TRAPPC9: variants seen among roughly 807,000 people sequenced by gnomAD.
TRAPPC9 encodes IKK2 binding protein.
Under a neutral mutation model 124.0 loss-of-function variants are expected in TRAPPC9, and 83 were observed. That is an observed-to-expected ratio of 0.67 (90% confidence interval 0.56 to 0.80). TRAPPC9 has a LOEUF of 0.80. Among genes scored for constraint, TRAPPC9 ranks in the 30% least tolerant of loss-of-function variants. TRAPPC9 has a pLI of 0.00. For synonymous variants in TRAPPC9, 638 were observed against 617.5 expected (o/e 1.03, Z -0.49); for missense variants, 1,302 against 1,508.3 (o/e 0.86, Z 2.27).
intron 9 of TRAPPC9, among the ~76,000 whole-genome samples, chr8:140,314,228 C>A (rs926075386): frequency 1.3e-5 from 2 of 152,144 alleles, no homozygotes; most frequent in African/African-American, 4.8e-5. Context: ...CCAGTAATGA[C>A]CAATGTGTTT....
intron 19 of TRAPPC9, among the ~76,000 whole-genome samples, chr8:139,975,514 G>A (rs919223509): frequency 6.6e-6 from 1 of 152,184 alleles, no homozygotes; most frequent in South Asian, 2.1e-4. Flanking sequence ...TATGCTACAG[G>A]TGAAAACAGA....
intron 7 of TRAPPC9, among the ~76,000 whole-genome samples, chr8:140,387,493 T>C (rs888763137): frequency 2.0e-5 from 3 of 151,984 alleles, no homozygotes; most frequent in Non-Finnish European, 2.9e-5. Context: ...AGGGCTAATA[T>C]CCAGAATCTA....
intron 21 of TRAPPC9, among the ~76,000 whole-genome samples, chr8:139,741,733 C>A (rs1818573334): frequency 1.3e-5 from 2 of 152,138 alleles, no homozygotes; most frequent in Admixed American, 6.5e-5. Context: ...CCGCACCATA[C>A]ATTTCCCTAC....
intron 19 of TRAPPC9, among the ~76,000 whole-genome samples, chr8:139,917,167 CTT>C (rs71318317): frequency 2.0e-5 from 2 of 99,934 alleles, no homozygotes; most frequent in African/African-American, 8.6e-5. Flanking sequence ...TTATTATTTT[CTT>C]TTTTTTTTTT....
chr8:140,440,972 CTTTTTTTTTTT>C lies in TRAPPC9; in HGVS notation c.585-1786_585-1776del, dbSNP rs60379205. Reference sequence around the variant, plus strand: ...TTGATGTGTTTCTAGAACACTGTTACTTTTTTTTTTTTTTTTTTTTTTTGGAGACAAGGTCT... The same window carrying C: ...TTGATGTGTTTCTAGAACACTGTTACTTTTTTTTTTTTGGAGACAAGGTCT... On this transcript the variant is annotated intron_variant, in intron 2 of 22. Transcript: ENST00000438773. Among the ~76,000 whole-genome samples, 128 of 80,294 alleles carry C rather than the reference CTTTTTTTTTTT, an allele frequency of 1.6e-3. 1 individual carries two copies. Among genetic ancestry groups the C allele is most frequent in the African/African-American group, 6.3e-3 (126 of 19,966 alleles). 52.7% of individuals were successfully genotyped at this position (80,294 alleles called of 152,430 possible).
At chr8:140,024,824 G>A (rs528476407) in intron 17 of TRAPPC9, among the ~76,000 whole-genome samples, 2 of 151,774 alleles carry the variant, frequency 1.3e-5, no homozygotes, top group Non-Finnish European at 2.9e-5. Flanking sequence ...CAGATGAGGT[G>A]ACAGGCGGGG....
intron 21 of TRAPPC9, among the ~76,000 whole-genome samples, chr8:139,860,375 C>T (rs1828052600): frequency 6.6e-6 from 1 of 152,202 alleles, no homozygotes; most frequent in Admixed American, 6.5e-5. Context: ...GAGCCACTGG[C>T]CACTCCTGTG....
At chr8:139,912,238 A>T (rs554501889) in intron 19 of TRAPPC9, among the ~76,000 whole-genome samples, 1 of 152,318 alleles carries the variant, frequency 6.6e-6, no homozygotes, top group South Asian at 2.1e-4. Flanking sequence ...ATAAATCATG[A>T]TGTATCATAT....
chr8:139,995,861 T>TAAA (rs35970083), intron 18 of TRAPPC9, among the ~76,000 whole-genome samples: 74 of 96,870 alleles, frequency 7.6e-4, no homozygotes, highest in African/African-American at 2.9e-3. Context: ...TACTCTGCAT[T>TAAA]AAAAAAAAAA....
chr8:139,786,162 C>T (rs1376410718), intron 21 of TRAPPC9, among the ~76,000 whole-genome samples: 16 of 151,366 alleles, frequency 1.1e-4, no homozygotes, highest in Admixed American at 3.3e-4. Flanking sequence ...GAGCCAAGAT[C>T]GCGCCACCGC....
intron 19 of TRAPPC9, among the ~76,000 whole-genome samples, chr8:139,916,796 A>G (rs2131313054): frequency 6.6e-6 from 1 of 152,372 alleles, no homozygotes; most frequent in Middle Eastern, 3.4e-3. Context: ...GGAAGTCACA[A>G]TGACATTTAA....
intron 17 of TRAPPC9, among the ~76,000 whole-genome samples, chr8:140,109,129 T>C (rs1314075811): frequency 1.3e-5 from 2 of 152,208 alleles, no homozygotes; most frequent in African/African-American, 2.4e-5. Flanking sequence ...ATGAAAGTGA[T>C]GCCTCACAAG....
chr8:139,814,341 C>T (rs540017715), intron 21 of TRAPPC9, among the ~76,000 whole-genome samples: 8 of 152,216 alleles, frequency 5.3e-5, no homozygotes, highest in Admixed American at 2.6e-4. Flanking sequence ...CAGTCACCGT[C>T]GCTGCTCAGA....
intron 17 of TRAPPC9, among the ~76,000 whole-genome samples, chr8:140,033,657 GGTTTTTTTTTTTTTTTTTT>G (rs1281390397): frequency 6.7e-4 from 33 of 49,304 alleles, no homozygotes; most frequent in African/African-American, 1.3e-3. Flanking sequence ...TTCATAATGT[GGTTTTTTTTTTTTTTTTTT>G]TTTTTTTTTT....
chr8:139,834,380 G>C (rs1434355988), intron 21 of TRAPPC9, among the ~76,000 whole-genome samples: 2 of 152,252 alleles, frequency 1.3e-5, no homozygotes, highest in African/African-American at 4.8e-5. Flanking sequence ...GGAGCAGTGA[G>C]TCTGACATTC....
chr8:140,314,570 T>G (rs1001376690), intron 9 of TRAPPC9, among the ~76,000 whole-genome samples: 10 of 152,226 alleles, frequency 6.6e-5, no homozygotes, highest in African/African-American at 2.4e-4. Context: ...GAGCATTGTA[T>G]CCACTGTCCA....
intron 18 of TRAPPC9, among the ~76,000 whole-genome samples, chr8:140,003,480 T>C (rs1838536753): frequency 6.6e-6 from 1 of 151,876 alleles, no homozygotes. Flanking sequence ...CGTGCGCCTG[T>C]AGTCCCAGCT....
In TRAPPC9 at chr8:140,054,227, A is replaced by G. The variant is rs190806689; in HGVS notation, c.2557-30148T>C. 5.1e-4 allele frequency among the ~76,000 whole-genome samples: 78 copies of G among 152,338 alleles called. No individual in the cohort carries two copies. The East Asian group carries it at 0.014, about 27-fold the overall frequency. ...CTACCTGTTGGGTACTATGTTGACCATTTGGGTTATGGGTTCCACAGAAGC... is the reference window on the plus strand; with the variant it reads ...CTACCTGTTGGGTACTATGTTGACCGTTTGGGTTATGGGTTCCACAGAAGC... On this transcript the variant is annotated intron_variant, in intron 17 of 22. Coordinates refer to ENST00000438773, the MANE Select transcript of TRAPPC9 (RefSeq NM_001160372.4).
intron 16 of TRAPPC9, among the ~76,000 whole-genome samples, chr8:140,222,103 G>A (rs543879904): frequency 1.3e-5 from 2 of 152,260 alleles, no homozygotes; most frequent in East Asian, 3.9e-4. Context: ...GGACCACGCA[G>A]AGCCCATCTC....
Sources: allele counts gnomAD v4.1 joint callset (sites outside exome capture counted in the v4.1 genomes callset), GRCh38; gene constraint gnomAD v4.1.1; transcripts MANE v1.5; gene names NCBI Gene and HGNC (gene_info 2026-07-23, HGNC 2026-07-21).